Variants in CCNB1 observed in about 807,000 individuals in gnomAD.
CCNB1 encodes G2/mitotic-specific cyclin-B1.
In CCNB1, 26 loss-of-function variants were observed where a neutral mutation model predicts 44.4. That is an observed-to-expected ratio of 0.59 (90% confidence interval 0.43 to 0.81). The LOEUF (loss-of-function observed/expected upper bound fraction) is 0.81, where lower values mean the gene tolerates loss of function less well. Among genes scored for constraint, CCNB1 ranks in the 40% least tolerant of loss-of-function variants. CCNB1 has a pLI of 0.00. For missense variants in CCNB1, 477 were observed against 520.9 expected (o/e 0.92, Z 0.82); for synonymous variants, 195 against 181.4 (o/e 1.08, Z -0.60).
chr5:69,172,893 C>T (rs1244864144), intron 4 of CCNB1, among the ~76,000 whole-genome samples: 2 of 151,678 alleles, frequency 1.3e-5, no homozygotes, highest in Admixed American at 1.3e-4. Context: ...CCTGCCTCAG[C>T]CTCCTGAGTA....
intron 4 of CCNB1, among the ~76,000 whole-genome samples, chr5:69,173,774 T>C (rs1381948255): frequency 6.6e-6 from 1 of 152,052 alleles, no homozygotes; most frequent in Admixed American, 6.6e-5. Flanking sequence ...TTTTTTTCTT[T>C]TTTTTTTGGG....
rs765200576 is a variant in CCNB1 at position 69,167,272 on chromosome 5, CGAGTCACCAGGGTGAGCCGCTTCG to C, written c.13_21+15del. 1 of 1,575,796 alleles carries C rather than the reference CGAGTCACCAGGGTGAGCCGCTTCG, an allele frequency of 6.3e-7. No individual in the cohort carries two copies. The highest frequency in any genetic ancestry group is 1.1e-5 in the South Asian group (1 of 86,964). On this transcript the variant is annotated splice_donor_variant and splice_donor_5th_base_variant and coding_sequence_variant and intron_variant, in exon 1 of 9. Transcript: ENST00000256442. LOFTEE classifies it high-confidence loss of function. ...TGGTGAAGAGGAAGCCATGGCGCTCCGAGTCACCAGGGTGAGCCGCTTCGGACTGCGAACTAACGCGGCCTTCTT... is the reference window on the plus strand; with the variant it reads ...TGGTGAAGAGGAAGCCATGGCGCTCCGACTGCGAACTAACGCGGCCTTCTT...
chr5:69,170,670 G>A (rs2112049700), intron 3 of CCNB1, among the ~76,000 whole-genome samples: 1 of 150,846 alleles, frequency 6.6e-6, no homozygotes, highest in Non-Finnish European at 1.5e-5. Context: ...TTTTTGCCCA[G>A]GCTGGAGTAG....
At chr5:69,175,181 G>A (rs568639916) in intron 6 of CCNB1, 68 bp downstream of exon 6, 48 of 1,244,828 alleles carry the variant, frequency 3.9e-5, no homozygotes, top group Admixed American at 5.2e-5. Context: ...GACCAAGCAC[G>A]TTGAATTCAA....
chr5:69,171,837 CT>C (rs1481361178), intron 4 of CCNB1, among the ~76,000 whole-genome samples: 3 of 152,182 alleles, frequency 2.0e-5, no homozygotes, highest in African/African-American at 4.8e-5. Flanking sequence ...ACAGCCACCC[CT>C]AACACAAGGC....
chr5:69,167,836 CCCA>C, intron 1 of CCNB1, 69 bp from the exon 2 acceptor site: 1 of 1,372,148 alleles, frequency 7.3e-7, no homozygotes, highest in East Asian at 2.3e-5. Flanking sequence ...CTCCTTGTGC[CCCA>C]CCTTAATTAA....
intron 7 of CCNB1, among the ~76,000 whole-genome samples, chr5:69,176,292 C>G (rs895046889): frequency 6.6e-6 from 1 of 151,578 alleles, no homozygotes; most frequent in Non-Finnish European, 1.5e-5. Flanking sequence ...AAATGACATA[C>G]TAGTAGTTCA....
chr5:69,169,641 G>A (rs1038840784), intron 3 of CCNB1, among the ~76,000 whole-genome samples: 1 of 151,494 alleles, frequency 6.6e-6, no homozygotes, highest in African/African-American at 2.4e-5. Context: ...TCCACCCCCT[G>A]TTCCTAGAAT....
intron 6 of CCNB1, 60 bp downstream of exon 6, chr5:69,175,173 C>T (rs946454474): frequency 7.8e-7 from 1 of 1,289,154 alleles, no homozygotes; most frequent in Non-Finnish European, 1.1e-6. Flanking sequence ...CTGCTGCTGA[C>T]CAAGCACGTT....
Position 69,174,911 on chromosome 5 carries a change from T to A in CCNB1, c.740T>A (p.Val247Asp), listed in dbSNP as rs1012518065. The change falls in exon 6 of 9, where the codon GTT becomes GAT. Residue 247 changes from valine to aspartate, a missense_variant. Physicochemically the swap from Val to Asp is radical, Grantham distance 152. Transcript: ENST00000256442. ...NCVPKKMLQL[V>D]GVTAMFIASK... ...GTGCCCAAGAAGATGCTGCAGCTGGTTGGTGTCACTGCCATGTTTATTGCA... is the reference window on the plus strand; with the variant it reads ...GTGCCCAAGAAGATGCTGCAGCTGGATGGTGTCACTGCCATGTTTATTGCA... The A allele has an allele frequency of 6.2e-7, 1 of 1,614,016 alleles. No individual in the cohort carries two copies. The highest frequency in any genetic ancestry group is 8.5e-7 in the Non-Finnish European group (1 of 1,179,998).
chr5:69,169,101 G>A (rs1288047823), intron 3 of CCNB1, among the ~76,000 whole-genome samples: 1 of 152,010 alleles, frequency 6.6e-6, no homozygotes, highest in African/African-American at 2.4e-5. Flanking sequence ...GACAGAGTCT[G>A]GCTCTGTTGC....
intron 3 of CCNB1, 22 bp from the exon 4 acceptor site, chr5:69,171,248 C>T: frequency 1.9e-6 from 3 of 1,585,070 alleles, no homozygotes; most frequent in Non-Finnish European, 1.7e-6. Context: ...TTTGCTATTT[C>T]AAGATATCTC....
At chr5:69,176,987 C>A in intron 7 of CCNB1, 1 of 284,110 alleles carries the variant, frequency 3.5e-6, no homozygotes, top group East Asian at 6.7e-5. Flanking sequence ...AAAAAAATTA[C>A]AAAGTTGGCC....
intron 7 of CCNB1, 129 bp downstream of exon 7, chr5:69,175,666 A>G: frequency 1.1e-6 from 1 of 881,168 alleles, no homozygotes; most frequent in East Asian, 2.6e-5. Flanking sequence ...TAGTTAAAAA[A>G]GATGTCTTAG....
chr5:69,168,280 G>GT lies in CCNB1; in HGVS notation c.300_301insT (p.Pro101SerfsTer4), dbSNP rs1158932956. 1 of 1,613,042 alleles carries GT rather than the reference G, an allele frequency of 6.2e-7. No individual in the cohort carries two copies. Among genetic ancestry groups the GT allele is most frequent in the Non-Finnish European group, 8.5e-7 (1 of 1,179,606 alleles). On this transcript the variant is annotated frameshift_variant, in exon 3 of 9. Coordinates refer to ENST00000256442, the MANE Select transcript of CCNB1 (RefSeq NM_031966.4). LOFTEE classifies it high-confidence loss of function. ...TGCCAGTGTCTGAGCCAGTGCCAGA[G>GT]CCAGAACCTGAGCCAGAACCTGAGC...
At position 69,168,218 on chromosome 5, in the gene CCNB1, C is replaced by T. The variant is rs1487434557; in HGVS notation, c.238C>T (p.Pro80Ser). Residue 80 changes from proline (P) to serine (S), a missense_variant, in exon 3 of 9, where the codon CCA becomes TCA. Coordinates refer to ENST00000256442, the MANE Select transcript of CCNB1 (RefSeq NM_031966.4). ...TGGAAAAGTCATTGATAAAAAACTA[C>T]CAAAACCTCTTGAAAAGGTACCTAT... Reference protein sequence around the residue: ...ATGKVIDKKLPKPLEKVPMLV... With the variant: ...ATGKVIDKKLSKPLEKVPMLV... 1 of 1,614,054 alleles carries T rather than the reference C, an allele frequency of 6.2e-7. No individual in the cohort carries two copies. The highest frequency in any genetic ancestry group is 8.5e-7 in the Non-Finnish European group (1 of 1,180,026).
intron 1 of CCNB1, 158 bp downstream of exon 1, chr5:69,167,441 A>C: frequency 1.4e-6 from 1 of 695,418 alleles, no homozygotes; most frequent in East Asian, 2.8e-5. Context: ...AGGTGGGCCC[A>C]GGCCTGGTGA....
chr5:69,174,786 T>C (rs1168677408), intron 5 of CCNB1, 91 bp from the exon 6 acceptor site: 2 of 975,594 alleles, frequency 2.1e-6, no homozygotes, highest in Non-Finnish European at 3.2e-6. Context: ...AAGATTTTGC[T>C]ATGGGAGAAT....
At chr5:69,173,691 A>G (rs1747512211) in intron 4 of CCNB1, among the ~76,000 whole-genome samples, 1 of 152,198 alleles carries the variant, frequency 6.6e-6, no homozygotes, top group Non-Finnish European at 1.5e-5. Flanking sequence ...GACCAGCAGC[A>G]GTTGTGGTGA....
Sources: gnomAD v4.1 joint callset for allele counts (sites outside exome capture counted in the v4.1 genomes callset) on GRCh38, gnomAD v4.1.1 for gene constraint, MANE v1.5 for transcripts, NCBI Gene and HGNC (gene_info 2026-07-23, HGNC 2026-07-21) for gene names.